The following OTUD7A variants were observed in gnomAD, a reference collection of about 807,000 sequenced individuals.
OTUD7A encodes the protein OTU domain-containing protein 7A.
OTUD7A carries 12 observed loss-of-function variants against 65.7 expected under a neutral mutation model. The ratio of observed to expected loss-of-function variants is 0.18; its 90% CI spans 0.12 to 0.30. The LOEUF (loss-of-function observed/expected upper bound fraction) is 0.30. OTUD7A is among the 10% of genes least tolerant of loss of function. OTUD7A has a pLI of 1.00. For synonymous variants in OTUD7A, 641 were observed against 586.3 expected (o/e 1.09, Z -1.35); for missense variants, 1,148 against 1,304.8 (o/e 0.88, Z 1.85).
chr15:31,511,785 T>TGTAACATACATATATA (rs1566894048), intron 8 of OTUD7A, among the ~76,000 whole-genome samples: 6 of 151,726 alleles, frequency 4.0e-5, no homozygotes, highest in African/African-American at 7.2e-5. Context: ...TGTATATATA[T>TGTAACATACATATATA]TTTACTATCG....
At chr15:31,519,327 G>C (rs905474980) in intron 8 of OTUD7A, among the ~76,000 whole-genome samples, 5 of 152,206 alleles carry the variant, frequency 3.3e-5, no homozygotes, top group Non-Finnish European at 4.4e-5. Flanking sequence ...TGTGTATGTT[G>C]AATCATCCTT....
At chr15:31,822,987 CA>C (rs1338158151) in intron 1 of OTUD7A, among the ~76,000 whole-genome samples, 1 of 151,750 alleles carries the variant, frequency 6.6e-6, no homozygotes, top group Non-Finnish European at 1.5e-5. Flanking sequence ...TAAAATGGGG[CA>C]AAAAAAATTT....
In OTUD7A at chr15:31,526,354, G is replaced by A. The variant is rs1595584056; in HGVS notation, c.888C>T (p.Gly296=). The A allele has an allele frequency of 1.9e-6, 3 of 1,592,142 alleles. No homozygotes were observed. Among genetic ancestry groups the A allele is most frequent in the Non-Finnish European group, 2.6e-6 (3 of 1,174,224 alleles). The change falls in exon 8 of 13, where the codon GGC becomes GGT. Residue 296 remains glycine (G), a synonymous_variant. Transcript: ENST00000307050. ...RTHFSKNGGT[G]GGVDNSEDPV... The stretch of plus-strand genomic sequence containing the variant: ...AGAGCAGGGGCAGCACTTACCCCCC[G>A]CCCGTGCCGCCATTCTTGCTGAAGT...
At chr15:31,816,744 A>T (rs545817779) in intron 1 of OTUD7A, among the ~76,000 whole-genome samples, 39 of 152,358 alleles carry the variant, frequency 2.6e-4, no homozygotes, top group Non-Finnish European at 4.4e-4. Context: ...TTACTACTTA[A>T]AAGAATCCTA....
chr15:31,804,140 T>C (rs926750368), intron 1 of OTUD7A, among the ~76,000 whole-genome samples: 1 of 152,244 alleles, frequency 6.6e-6, no homozygotes, highest in African/African-American at 2.4e-5. Context: ...CTCTTCAGGA[T>C]GGCTTCCAAA....
chr15:31,713,183 A>G (rs1282935089), intron 1 of OTUD7A, among the ~76,000 whole-genome samples: 1 of 152,258 alleles, frequency 6.6e-6, no homozygotes. Flanking sequence ...CACAGTATAC[A>G]TGAAAATCAA....
chr15:31,808,894 G>A (rs1233141345), intron 1 of OTUD7A, among the ~76,000 whole-genome samples: 1 of 152,244 alleles, frequency 6.6e-6, no homozygotes, highest in Non-Finnish European at 1.5e-5. Flanking sequence ...CAGGCTAGGC[G>A]AGGCTGGGGC....
chr15:31,763,370 A>G (rs1895021567), intron 1 of OTUD7A, among the ~76,000 whole-genome samples: 1 of 152,212 alleles, frequency 6.6e-6, no homozygotes, highest in Non-Finnish European at 1.5e-5. Context: ...GAAATTTTAG[A>G]GATGAAAAAT....
chr15:31,570,134 G>C lies in OTUD7A; in HGVS notation c.215C>G (p.Ala72Gly). The stretch of plus-strand genomic sequence containing the variant: ...TTCATTGAACACATGTGGCAGATTG[G>C]CTGTGTGCACCTGGCGGAGCTGCTC... ...DYEQLRQVHT[A>G]NLPHVFNEGR... Residue 72 changes from alanine to glycine, a missense_variant, in exon 4 of 13, where the codon GCC becomes GGC. Physicochemically the swap from Ala to Gly is moderately conservative, Grantham distance 60. Coordinates refer to ENST00000307050, the MANE Select transcript of OTUD7A (RefSeq NM_001382637.1). 6.2e-7 allele frequency: 1 copy of C among 1,614,190 alleles called. No homozygotes were observed. The highest frequency in any genetic ancestry group is 8.5e-7 in the Non-Finnish European group (1 of 1,180,030).
Position 31,643,023 on chromosome 15 carries a change from T to G in OTUD7A, c.151+12073A>C, listed in dbSNP as rs571462398. ...TAATAGAGGTGTTTAACTTATACAT[T>G]TTCTTATAGGTACTGTTTCCTTGAA... On this transcript the variant is annotated intron_variant, in intron 3 of 12. Transcript: ENST00000307050. Among the ~76,000 whole-genome samples, 59 of 152,296 alleles carry G rather than the reference T, an allele frequency of 3.9e-4. No individual in the cohort carries two copies. The South Asian group carries it at 0.012, about 30-fold the overall frequency.
intron 8 of OTUD7A, among the ~76,000 whole-genome samples, chr15:31,518,512 C>T (rs75316763): frequency 0.018 from 2,814 of 152,262 alleles, 41 homozygotes; most frequent in Non-Finnish European, 0.03. Context: ...TGTGCACACA[C>T]GTATGAATGT....
At chr15:31,535,268 A>G (rs545849204) in intron 5 of OTUD7A, among the ~76,000 whole-genome samples, 1 of 152,218 alleles carries the variant, frequency 6.6e-6, no homozygotes, top group East Asian at 1.9e-4. Flanking sequence ...GTGAGTTCTC[A>G]TGAGATCTGA....
intron 1 of OTUD7A, among the ~76,000 whole-genome samples, chr15:31,781,130 T>G (rs1451193515): frequency 6.6e-6 from 1 of 152,150 alleles, no homozygotes; most frequent in African/African-American, 2.4e-5. Flanking sequence ...ACCTATGCCC[T>G]TGCTTCTCAG....
At chr15:31,570,336 G>C (rs1240042684) in intron 3 of OTUD7A, 139 bp from the exon 4 acceptor site, 1 of 963,698 alleles carries the variant, frequency 1.0e-6, no homozygotes, top group African/African-American at 1.7e-5. Flanking sequence ...GTTTTTCAAA[G>C]GGGAAAAATG....
At chr15:31,638,373 G>C (rs28374808) in intron 3 of OTUD7A, among the ~76,000 whole-genome samples, 34,281 of 138,214 alleles carry the variant, frequency 0.25, 5,195 homozygotes, top group East Asian at 0.68. Flanking sequence ...ATAGTATAAA[G>C]ATAACTTTTT....
In OTUD7A at chr15:31,527,350, A is replaced by G. The variant is rs1215014362; in HGVS notation, c.653-42T>C. ...AGGGAGAACAGAGGAGAGAAAGGAC[A>G]TGAGAAAAGACAAGCCAGAGGTGAT... On this transcript the variant is annotated intron_variant, in intron 6 of 12. Transcript: ENST00000307050. 5.6e-6 allele frequency: 9 copies of G among 1,604,638 alleles called. No homozygotes were observed. The Admixed American group carries it at 1.2e-4, about 21-fold the overall frequency.
At chr15:31,504,332 C>T (rs997203830) in intron 8 of OTUD7A, among the ~76,000 whole-genome samples, 26 of 152,062 alleles carry the variant, frequency 1.7e-4, no homozygotes, top group African/African-American at 5.8e-4. Context: ...AGTGAGAAGG[C>T]TGTCTGGATT....
chr15:31,681,176 G>C (rs1330311080), intron 1 of OTUD7A, among the ~76,000 whole-genome samples: 2 of 151,104 alleles, frequency 1.3e-5, no homozygotes, highest in Non-Finnish European at 2.9e-5. Context: ...CTCATTGTCT[G>C]TCTGCCTTCC....
At chr15:31,565,680 CA>C (rs1278951270) in intron 4 of OTUD7A, among the ~76,000 whole-genome samples, 5 of 152,046 alleles carry the variant, frequency 3.3e-5, no homozygotes, top group Admixed American at 6.6e-5. Context: ...TCAAGTGTAA[CA>C]GGGGGGCAGC....
Sources: allele counts gnomAD v4.1 joint callset (sites outside exome capture counted in the v4.1 genomes callset), GRCh38; gene constraint gnomAD v4.1.1; transcripts MANE v1.5; gene names NCBI Gene and HGNC (gene_info 2026-07-23, HGNC 2026-07-21).